The following TPP2 variants were observed in gnomAD, a reference collection of about 807,000 sequenced individuals.
TPP2 encodes tripeptidyl-peptidase 2.
TPP2 carries 34 observed loss-of-function variants against 155.9 expected under a neutral mutation model. The observed-to-expected ratio is 0.22, with a 90% CI of 0.17 to 0.29. The LOEUF (loss-of-function observed/expected upper bound fraction) is 0.29, where lower values mean the gene tolerates loss of function less well. TPP2 is among the 10% of genes least tolerant of loss of function. The pLI, the probability that TPP2 is intolerant of heterozygous loss-of-function variation, is 1.00. For missense variants in TPP2, 1,028 were observed against 1,522.3 expected, an observed-to-expected ratio of 0.68 and a Z score of 5.40; for synonymous variants, 510 against 529.4, an observed-to-expected ratio of 0.96 and a Z score of 0.50.
chr13:102,659,232 G>C (rs1230993902), intron 25 of TPP2, among the ~76,000 whole-genome samples: 1 of 152,158 alleles, frequency 6.6e-6, no homozygotes, highest in Non-Finnish European at 1.5e-5. Context: ...AGAAATGTGG[G>C]ACACCATTAG....
intron 2 of TPP2, chr13:102,607,578 G>A (rs978607919): frequency 3.9e-5 from 15 of 385,076 alleles, no homozygotes; most frequent in Non-Finnish European, 6.9e-5. Context: ...AGTATTACTC[G>A]AGCATTTATT....
chr13:102,627,440 A>G lies in TPP2; in HGVS notation c.939+274A>G, dbSNP rs561409885. On this transcript the variant is annotated intron_variant, in intron 7 of 29. Coordinates refer to ENST00000376052, the MANE Select transcript of TPP2 (RefSeq NM_001330588.2). ...AAGCAATTTTGAGATACTTAAAAAG[A>G]AAGACCTCTTAGCCAGCTTTCTCCA... 7.2e-5 allele frequency among the ~76,000 whole-genome samples: 11 copies of G among 152,266 alleles called. No individual in the cohort carries two copies. In the East Asian group the frequency reaches 2.1e-3, roughly 29 times the overall value.
In TPP2 at chr13:102,664,995, ATAT is replaced by A. The variant is rs1884495641; in HGVS notation, c.3371+74_3371+76del. 6.4e-6 allele frequency: 10 copies of A among 1,566,854 alleles called. No homozygotes were observed. The Admixed American group carries it at 1.1e-4, about 17-fold the overall frequency. The stretch of plus-strand genomic sequence containing the variant: ...TAACTTGTTTAAAAAGTAGGGACTA[ATAT>A]TATAGAGGATATTGCTTTTCTGATG... On this transcript the variant is annotated intron_variant, in intron 27 of 29. Transcript: ENST00000376052.
intron 14 of TPP2, among the ~76,000 whole-genome samples, chr13:102,637,594 A>G (rs1365955731): frequency 6.6e-6 from 1 of 151,752 alleles, no homozygotes; most frequent in Non-Finnish European, 1.5e-5. Flanking sequence ...TCTGTTGCCC[A>G]GGCTGGAGTA....
In TPP2 at chr13:102,676,446, C is replaced by T. The variant is rs1885286264; in HGVS notation, c.3699+31C>T. 5.0e-6 allele frequency: 8 copies of T among 1,601,228 alleles called. No individual in the cohort carries two copies. In the East Asian group the frequency reaches 1.6e-4, roughly 32 times the overall value. On this transcript the variant is annotated intron_variant, in intron 29 of 29. Coordinates refer to ENST00000376052, the MANE Select transcript of TPP2 (RefSeq NM_001330588.2). ...TGATATTTAAAATGTCACTGTTAAG[C>T]ATCACTTTGATATTGCATAGTGACA...
chr13:102,657,279 T>C (rs1434959851), intron 25 of TPP2, 72 bp downstream of exon 25: 17 of 1,315,246 alleles, frequency 1.3e-5, no homozygotes, highest in Admixed American at 2.8e-5. Context: ...ATATTGTGTA[T>C]ATATACATAG....
intron 7 of TPP2, among the ~76,000 whole-genome samples, 189 bp downstream of exon 7, chr13:102,627,355 C>T (rs1437076645): frequency 6.6e-6 from 1 of 151,708 alleles, no homozygotes; most frequent in Non-Finnish European, 1.5e-5. Flanking sequence ...TAGGATTTGG[C>T]CTAACCTTTG....
intron 5 of TPP2, 74 bp downstream of exon 5, chr13:102,618,920 A>C (rs1595148227): frequency 6.7e-7 from 1 of 1,484,214 alleles, no homozygotes; most frequent in East Asian, 2.4e-5. Context: ...TTAAATGCTC[A>C]GAGCTGCACA....
chr13:102,656,359 A>G (rs951530658), intron 24 of TPP2, among the ~76,000 whole-genome samples: 2 of 152,180 alleles, frequency 1.3e-5, no homozygotes, highest in African/African-American at 4.8e-5. Flanking sequence ...CTCAGAAGAT[A>G]CAGCTGTGCT....
chr13:102,619,884 C>T (rs933462625), intron 5 of TPP2, among the ~76,000 whole-genome samples: 8 of 152,136 alleles, frequency 5.3e-5, no homozygotes, highest in African/African-American at 1.9e-4. Flanking sequence ...TTGATACATC[C>T]ACCATCTGGG....
intron 25 of TPP2, among the ~76,000 whole-genome samples, chr13:102,658,967 G>A (rs117221907): frequency 0.04 from 6,088 of 152,314 alleles, 186 homozygotes; most frequent in Non-Finnish European, 0.058. Flanking sequence ...GACCACAGGA[G>A]AGTGCTAAGC....
At chr13:102,632,449 C>G (rs1246717911) in intron 10 of TPP2, among the ~76,000 whole-genome samples, 1 of 151,968 alleles carries the variant, frequency 6.6e-6, no homozygotes, top group Non-Finnish European at 1.5e-5. Flanking sequence ...ACCATGTTGG[C>G]CAGGCTGGTC....
chr13:102,645,871 C>T (rs1245741054), intron 19 of TPP2, among the ~76,000 whole-genome samples: 1 of 152,164 alleles, frequency 6.6e-6, no homozygotes, highest in Non-Finnish European at 1.5e-5. Context: ...GAGTGTGGCC[C>T]CTGCCATCTG....
At chr13:102,602,616 GA>G (rs750362398) in intron 1 of TPP2, among the ~76,000 whole-genome samples, 11 of 150,702 alleles carry the variant, frequency 7.3e-5, no homozygotes, top group Non-Finnish European at 1.0e-4. Flanking sequence ...TCCGGTAAAG[GA>G]AAAAAAAATG....
At chr13:102,657,908 T>C (rs1318593384) in intron 25 of TPP2, among the ~76,000 whole-genome samples, 2 of 152,238 alleles carry the variant, frequency 1.3e-5, no homozygotes, top group Non-Finnish European at 2.9e-5. Flanking sequence ...CCATTACTGC[T>C]GTCTTAAATT....
At chr13:102,642,283 G>A (rs1431746032) in intron 16 of TPP2, among the ~76,000 whole-genome samples, 2 of 152,018 alleles carry the variant, frequency 1.3e-5, no homozygotes, top group African/African-American at 4.8e-5. Context: ...AGGGCCCCTG[G>A]GACTTGTAGA....
intron 27 of TPP2, among the ~76,000 whole-genome samples, chr13:102,672,614 C>T (rs1276270758): frequency 6.6e-6 from 1 of 152,142 alleles, no homozygotes; most frequent in African/African-American, 2.4e-5. Context: ...CATTGCTGTT[C>T]CAAGCCCCTT....
At chr13:102,615,832 G>A (rs575134639) in intron 3 of TPP2, among the ~76,000 whole-genome samples, 1 of 152,290 alleles carries the variant, frequency 6.6e-6, no homozygotes, top group Non-Finnish European at 1.5e-5. Flanking sequence ...TTAAATTGGG[G>A]AATATGATAC....
chr13:102,651,424 A>T (rs772540820), intron 24 of TPP2, 27 bp downstream of exon 24: 6 of 1,563,082 alleles, frequency 3.8e-6, no homozygotes, highest in Admixed American at 1.9e-5. Context: ...CTTAAAAAAG[A>T]TGTCTTAAAG....
Sources: allele counts gnomAD v4.1 joint callset (sites outside exome capture counted in the v4.1 genomes callset), GRCh38; gene constraint gnomAD v4.1.1; transcripts MANE v1.5; gene names NCBI Gene and HGNC (gene_info 2026-07-23, HGNC 2026-07-21).